CYP4F2: variants seen among roughly 807,000 people sequenced by gnomAD.
CYP4F2 encodes the protein cytochrome P450 4F2.
A neutral mutation model predicts 58.9 loss-of-function variants in CYP4F2; 58 were observed. The observed-to-expected ratio is 0.98, with a 90% confidence interval of 0.80 to 1.23. CYP4F2 has a LOEUF of 1.23. Ranked by LOEUF, CYP4F2 falls within the 50% of genes most tolerant of loss-of-function variation. The pLI, the probability that CYP4F2 is intolerant of heterozygous loss-of-function variation, is 0.00. For synonymous variants in CYP4F2, 287 were observed against 261.1 expected (o/e 1.10, Z -0.95); for missense variants, 616 against 685.6 (o/e 0.90, Z 1.13).
chr19:15,885,868 G>A (rs2089374547), intron 9 of CYP4F2, 56 bp downstream of exon 9: 1 of 1,576,822 alleles, frequency 6.3e-7, no homozygotes, highest in Non-Finnish European at 8.6e-7. Context: ...CTCCCCACCT[G>A]GGGAGCAGAG....
Position 15,879,402 on chromosome 19 carries a change from T to C in CYP4F2, c.1341A>G (p.Pro447=), listed in dbSNP as rs1395113434. 1 of 1,614,138 alleles carries C rather than the reference T, an allele frequency of 6.2e-7. No individual in the cohort carries two copies. The highest frequency in any genetic ancestry group is 1.7e-5 in the Admixed American group (1 of 60,024). ...GAGGTGACCTCTCCTTGATGTTCTC[T>C]GGGTCAAAGCGAAAGGGGTCGTAGA... ...PEVYDPFRFD[P]ENIKERSPLA... The change falls in exon 12 of 13, where the codon CCA becomes CCG. Residue 447 remains proline, a synonymous_variant. Transcript: ENST00000221700.
chr19:15,892,261 C>T, intron 5 of CYP4F2, 48 bp downstream of exon 5: 1 of 1,612,348 alleles, frequency 6.2e-7, no homozygotes, highest in Non-Finnish European at 8.5e-7. Context: ...TCTCTGTTGT[C>T]CTTTCACCCC....
chr19:15,886,400 C>T, intron 7 of CYP4F2, 92 bp from the exon 8 acceptor site: 1 of 1,465,158 alleles, frequency 6.8e-7, no homozygotes, highest in Non-Finnish European at 9.3e-7. Flanking sequence ...GAGACAGTCT[C>T]TGAAGATTCA....
At chr19:15,888,577 CAT>C (rs1008999126) in intron 7 of CYP4F2, among the ~76,000 whole-genome samples, 5 of 152,044 alleles carry the variant, frequency 3.3e-5, no homozygotes, top group Non-Finnish European at 7.4e-5. Flanking sequence ...CACAAGTACA[CAT>C]AAACATAGAC....
chr19:15,886,255 G>C lies in CYP4F2; in HGVS notation c.972C>G (p.Thr324=). 1 of 1,614,010 alleles carries C rather than the reference G, an allele frequency of 6.2e-7. No homozygotes were observed. Among genetic ancestry groups the C allele is most frequent in the Non-Finnish European group, 8.5e-7 (1 of 1,179,996 alleles). ...SDEDIRAEAD[T]FMFEGHDTTA... The stretch of plus-strand genomic sequence containing the variant: ...TGGGGCCCTCACCCTCAAACATAAA[G>C]GTGTCAGCTTCTGCTCTTATGTCCT... Residue 324 remains threonine (T), a synonymous_variant, in exon 8 of 13, where the codon ACC becomes ACG. Transcript: ENST00000221700.
intron 9 of CYP4F2, among the ~76,000 whole-genome samples, chr19:15,885,018 T>C (rs1403083147): frequency 6.6e-6 from 1 of 152,038 alleles, no homozygotes; most frequent in African/African-American, 2.4e-5. Flanking sequence ...ATCTCCGGTT[T>C]TATCATCTCA....
chr19:15,879,655 G>A lies in CYP4F2; in HGVS notation c.1263C>T (p.Leu421=), dbSNP rs532727092. 3 of 1,614,168 alleles carry A rather than the reference G, an allele frequency of 1.9e-6. No individual in the cohort carries two copies. Among genetic ancestry groups the A allele is most frequent in the South Asian group, 2.2e-5 (2 of 91,086 alleles). Residue 421 remains leucine (L), a synonymous_variant, in exon 11 of 13, where the codon CTC becomes CTT. Coordinates refer to ENST00000221700, the MANE Select transcript of CYP4F2 (RefSeq NM_001082.5). ...GRVIPKGIIC[L]ISVFGTHHNP... is the part of the protein sequence containing the mutation. ...TGTGATGGGTTCCGAAAACACTGAT[G>A]AGGCAGATAATGCCTGTGGGAGAGA...
chr19:15,891,954 A>G (rs1218641246), intron 5 of CYP4F2, among the ~76,000 whole-genome samples: 1 of 152,180 alleles, frequency 6.6e-6, no homozygotes, highest in African/African-American at 2.4e-5. Context: ...TTATTAGCAA[A>G]CATAAACACT....
Position 15,897,420 on chromosome 19 carries a change from C to T in CYP4F2, c.192G>A (p.Gln64=). ...PPRRNWFWGH[Q]GMVNPTEEGM... Reference sequence around the variant, plus strand: ...ATCCTGCTGCCACACTCACCATGCCCTGGTGTCCCCAAAACCAGTTCCGTC... The same window carrying T: ...ATCCTGCTGCCACACTCACCATGCCTTGGTGTCCCCAAAACCAGTTCCGTC... Residue 64 remains glutamine (Q), a synonymous_variant, in exon 2 of 13, where the codon CAG becomes CAA. Transcript: ENST00000221700. The T allele has an allele frequency of 1.2e-6, 2 of 1,613,566 alleles. No homozygotes were observed. Among genetic ancestry groups the T allele is most frequent in the Non-Finnish European group, 8.5e-7 (1 of 1,179,726 alleles).
rs2089319251 is a variant in CYP4F2, at chr19:15,878,458, A to C, written c.*313T>G. ...TGCATTCAAGGTTCATCCACAGTGT[A>C]GTAGGGATCACTGCTTCATTCCTTT... is the stretch of plus-strand genomic sequence containing the variant. On this transcript the variant is annotated 3_prime_UTR_variant, in exon 13 of 13. Coordinates refer to ENST00000221700, the MANE Select transcript of CYP4F2 (RefSeq NM_001082.5). 7.2e-6 allele frequency: 3 copies of C among 418,934 alleles called. No individual in the cohort carries two copies. The highest frequency in any genetic ancestry group is 8.6e-6 in the Non-Finnish European group (2 of 233,206). The allele number at this position is 418,934 out of a possible 1,614,324, so 26.0% of individuals were successfully genotyped here. A position where few individuals can be genotyped will look rare whatever the true frequency, so the allele number is the denominator to read the frequency against.
chr19:15,878,836 T>C lies in CYP4F2; in HGVS notation c.1498A>G (p.Arg500Gly). Reference protein sequence around the residue: ...RVLPDHTEPRRKPELVLRAEG... With the variant: ...RVLPDHTEPRGKPELVLRAEG... ...GCGCGCAGGACCAGCTCCGGCTTCCTGCGGGGCTCGGTGTGGTCAGGCAGG... is the reference window on the plus strand; with the variant it reads ...GCGCGCAGGACCAGCTCCGGCTTCCCGCGGGGCTCGGTGTGGTCAGGCAGG... The change falls in exon 13 of 13, where the codon AGG (arginine) becomes GGG (glycine). Residue 500 changes from arginine to glycine, a missense_variant. Physicochemically the swap from Arg to Gly is moderately radical, Grantham distance 125 (BLOSUM62 -2). Coordinates refer to ENST00000221700, the MANE Select transcript of CYP4F2 (RefSeq NM_001082.5). The C allele has an allele frequency of 6.2e-7, 1 of 1,614,018 alleles. No individual in the cohort carries two copies. The highest frequency in any genetic ancestry group is 1.3e-5 in the African/African-American group (1 of 75,064).
At chr19:15,879,094 C>A (rs879103134) in intron 12 of CYP4F2, among the ~76,000 whole-genome samples, 158 bp from the exon 13 acceptor site, 50 of 151,704 alleles carry the variant, frequency 3.3e-4, no homozygotes, top group African/African-American at 1.2e-3. Flanking sequence ...GCTTGCATAT[C>A]CTGCAAGCCT....
chr19:15,888,976 G>T (rs1022550606), intron 7 of CYP4F2, among the ~76,000 whole-genome samples: 9 of 151,886 alleles, frequency 5.9e-5, no homozygotes, highest in Admixed American at 4.6e-4. Flanking sequence ...AGAAAAGACA[G>T]GACAAAGGCG....
Position 15,896,500 on chromosome 19 carries a change from A to C in CYP4F2, c.199-850T>G, listed in dbSNP as rs1243824708. 2.0e-5 allele frequency among the ~76,000 whole-genome samples: 3 copies of C among 152,200 alleles called. No individual in the cohort carries two copies. The East Asian group carries it at 5.8e-4, about 29-fold the overall frequency. On this transcript the variant is annotated intron_variant, in intron 2 of 12. Coordinates refer to ENST00000221700, the MANE Select transcript of CYP4F2 (RefSeq NM_001082.5). The stretch of plus-strand genomic sequence containing the variant: ...GTCCTCACAGGGGAGATTTGTGGGG[A>C]GCAGTATCGCCTCAGGACATGTCCC...
intron 3 of CYP4F2, among the ~76,000 whole-genome samples, chr19:15,894,989 G>A (rs79123460): frequency 6.6e-6 from 1 of 152,240 alleles, no homozygotes; most frequent in Non-Finnish European, 1.5e-5. Context: ...CTAGGCTTTG[G>A]GACAGGCAAG....
At chr19:15,883,848 C>A (rs956901069) in intron 9 of CYP4F2, among the ~76,000 whole-genome samples, 5 of 152,166 alleles carry the variant, frequency 3.3e-5, no homozygotes, top group African/African-American at 1.2e-4. Context: ...ATCATGAGGT[C>A]AGGAGTTCGA....
At chr19:15,894,831 T>A (rs1447443762) in intron 3 of CYP4F2, among the ~76,000 whole-genome samples, 4 of 152,174 alleles carry the variant, frequency 2.6e-5, no homozygotes, top group East Asian at 3.9e-4. Context: ...AGTCTCCTCT[T>A]GGAGATCCCC....
chr19:15,892,640 G>C, intron 3 of CYP4F2, 58 bp from the exon 4 acceptor site: 4 of 1,586,158 alleles, frequency 2.5e-6, no homozygotes, highest in South Asian at 2.3e-5. Flanking sequence ...GGACTTTGGG[G>C]GTGGGTGGAG....
intron 9 of CYP4F2, 39 bp downstream of exon 9, chr19:15,885,885 A>T: frequency 6.3e-7 from 1 of 1,596,494 alleles, no homozygotes; most frequent in Non-Finnish European, 8.5e-7. Flanking sequence ...AGAGCCAATG[A>T]GAAGGTCTCA....
Sources: gnomAD v4.1 joint callset for allele counts (sites outside exome capture counted in the v4.1 genomes callset) on GRCh38, gnomAD v4.1.1 for gene constraint, MANE v1.5 for transcripts, NCBI Gene and HGNC (gene_info 2026-07-23, HGNC 2026-07-21) for gene names.